The following PDE3B variants were observed in gnomAD, a reference collection of about 807,000 sequenced individuals.
PDE3B encodes the protein phosphodiesterase 3B, also known as cGMP-inhibited 3',5'-cyclic phosphodiesterase 3B.
Under a neutral mutation model 116.8 loss-of-function variants are expected in PDE3B, and 66 were observed. That is an observed-to-expected ratio of 0.56 (90% confidence interval 0.46 to 0.69). The LOEUF (loss-of-function observed/expected upper bound fraction) is 0.69, where lower values mean the gene tolerates loss of function less well. PDE3B is among the 30% of genes least tolerant of loss of function. The pLI, the probability that PDE3B is intolerant of heterozygous loss-of-function variation, is 0.00. For synonymous variants in PDE3B, 595 were observed against 533.6 expected (o/e 1.12, Z -1.59); for missense variants, 1,384 against 1,368.1 (o/e 1.01, Z -0.18).
At chr11:14,728,522 A>T (rs915642107) in intron 1 of PDE3B, among the ~76,000 whole-genome samples, 2 of 152,130 alleles carry the variant, frequency 1.3e-5, no homozygotes, top group Non-Finnish European at 2.9e-5. Flanking sequence ...ATATCATTTC[A>T]TTCTCACAGA....
rs574987805 is a variant in PDE3B, at chr11:14,758,711, C to T, written c.979-13226C>T. Among the ~76,000 whole-genome samples the T allele has an allele frequency of 2.4e-3, 357 of 150,896 alleles. 4 individuals carry two copies. The highest frequency in any genetic ancestry group is 5.6e-3 in the African/African-American group (227 of 40,646). ...AGCTTAAGGAGATTTTGGGCTGAGA[C>T]GATGGGGTTTTCTAGATATACAATC... On this transcript the variant is annotated intron_variant, in intron 1 of 15. Coordinates refer to ENST00000282096, the MANE Select transcript of PDE3B (RefSeq NM_000922.4).
intron 4 of PDE3B, among the ~76,000 whole-genome samples, chr11:14,790,817 A>G (rs1056923736): frequency 2.3e-4 from 35 of 152,228 alleles, no homozygotes; most frequent in African/African-American, 7.9e-4. Flanking sequence ...CCTCTTGGTA[A>G]TAAATGTCTA....
At chr11:14,849,561 T>C (rs1466460375) in intron 12 of PDE3B, among the ~76,000 whole-genome samples, 1 of 151,782 alleles carries the variant, frequency 6.6e-6, no homozygotes, top group Non-Finnish European at 1.5e-5. Flanking sequence ...ACCTACAAAA[T>C]GGGAGAAAAT....
chr11:14,831,797 C>T lies in PDE3B; in HGVS notation c.2094+20C>T. 1 of 1,556,624 alleles carries T rather than the reference C, an allele frequency of 6.4e-7. No homozygotes were observed. Among genetic ancestry groups the T allele is most frequent in the Non-Finnish European group, 8.8e-7 (1 of 1,142,564 alleles). On this transcript the variant is annotated intron_variant, in intron 9 of 15. Transcript: ENST00000282096. Reference sequence around the variant, plus strand: ...AGTCAGGTTTGCTTTCAAATATCTACTTTTTAACTGTAAATTAATTTTTCT... The same window carrying T: ...AGTCAGGTTTGCTTTCAAATATCTATTTTTTAACTGTAAATTAATTTTTCT...
At chr11:14,885,822 T>C in the PDE3B span, 1 of 1,613,506 alleles carries the variant, frequency 6.2e-7, no homozygotes, top group Non-Finnish European at 8.5e-7. Context: ...ATGGTCTGTC[T>C]GCAAAAATTT....
chr11:14,725,016 A>G (rs551834705), intron 1 of PDE3B, among the ~76,000 whole-genome samples: 1 of 152,372 alleles, frequency 6.6e-6, no homozygotes, highest in South Asian at 2.1e-4. Flanking sequence ...TAAATACTTT[A>G]GATAGGTACA....
chr11:14,664,230 C>T (rs1378950806), intron 1 of PDE3B, among the ~76,000 whole-genome samples: 1 of 152,034 alleles, frequency 6.6e-6, no homozygotes, highest in African/African-American at 2.4e-5. Context: ...AGAACAAAGA[C>T]ACAACATATC....
chr11:14,728,019 A>C (rs1275065378), intron 1 of PDE3B, among the ~76,000 whole-genome samples: 1 of 152,092 alleles, frequency 6.6e-6, no homozygotes, highest in East Asian at 1.9e-4. Context: ...ATAGTTCTAC[A>C]AGTTTCTTAC....
chr11:14,811,172 A>T (rs911680992), intron 5 of PDE3B, among the ~76,000 whole-genome samples: 9 of 151,958 alleles, frequency 5.9e-5, no homozygotes, highest in African/African-American at 2.2e-4. Context: ...CTTGAGTTTA[A>T]TTAGATCCCA....
chr11:14,712,921 G>A (rs1191757275), intron 1 of PDE3B, among the ~76,000 whole-genome samples: 1 of 152,184 alleles, frequency 6.6e-6, no homozygotes, highest in Non-Finnish European at 1.5e-5. Flanking sequence ...ATCTTAAATA[G>A]TGAACTGTTT....
chr11:14,862,314 TA>T (rs1234715124), intron 14 of PDE3B, among the ~76,000 whole-genome samples: 1 of 152,210 alleles, frequency 6.6e-6, no homozygotes, highest in Non-Finnish European at 1.5e-5. Flanking sequence ...TAGACTACAT[TA>T]TGATTCCAAG....
intron 2 of PDE3B, 112 bp from the exon 3 acceptor site, chr11:14,786,325 C>T (rs529104688): frequency 4.1e-5 from 30 of 726,370 alleles, no homozygotes; most frequent in African/African-American, 2.4e-4. Context: ...TTAAAGTTCA[C>T]GGTTATTTGC....
At chr11:14,862,841 G>A (rs1469564550) in intron 14 of PDE3B, among the ~76,000 whole-genome samples, 1 of 151,974 alleles carries the variant, frequency 6.6e-6, no homozygotes, top group African/African-American at 2.4e-5. Flanking sequence ...CAAAGTGTTG[G>A]GATTACAGAC....
At chr11:14,739,138 A>G (rs1387692448) in intron 1 of PDE3B, among the ~76,000 whole-genome samples, 2 of 152,206 alleles carry the variant, frequency 1.3e-5, no homozygotes, top group African/African-American at 4.8e-5. Flanking sequence ...AATTCTGTGA[A>G]GAAAGTCAAT....
At chr11:14,685,801 G>A (rs1011287906) in intron 1 of PDE3B, among the ~76,000 whole-genome samples, 1 of 151,988 alleles carries the variant, frequency 6.6e-6, no homozygotes. Context: ...ATAATTTAGG[G>A]TATCACAGTA....
In PDE3B at chr11:14,798,634, T is replaced by A. The variant is rs189220192; in HGVS notation, c.1416-5310T>A. ...AGCTTGTTATTGGTCGGTTCAGGGA[T>A]TCGACTTCTTCCTGGTTTAGACTTG... is the stretch of plus-strand genomic sequence containing the variant. On this transcript the variant is annotated intron_variant, in intron 4 of 15. Coordinates refer to ENST00000282096, the MANE Select transcript of PDE3B (RefSeq NM_000922.4). Among the ~76,000 whole-genome samples, 163 of 152,360 alleles carry A rather than the reference T, an allele frequency of 1.1e-3. 1 individual carries two copies. Among genetic ancestry groups the A allele is most frequent in the Non-Finnish European group, 1.8e-3 (125 of 68,032 alleles).
intron 1 of PDE3B, among the ~76,000 whole-genome samples, chr11:14,682,786 G>GTT (rs1005093819): frequency 2.1e-5 from 3 of 144,334 alleles, no homozygotes; most frequent in Non-Finnish European, 3.1e-5. Context: ...GTTTTTTGTT[G>GTT]TTTTTTTTTT....
At chr11:14,819,658 T>A (rs1859453190) in intron 7 of PDE3B, among the ~76,000 whole-genome samples, 1 of 152,198 alleles carries the variant, frequency 6.6e-6, no homozygotes, top group Non-Finnish European at 1.5e-5. Flanking sequence ...TAAAATTTGA[T>A]GACTCAAACT....
Position 14,870,313 on chromosome 11 carries a change from T to C in PDE3B, c.*653T>C, listed in dbSNP as rs1156252441. ...TATTGTGTATTATCTACTATGTGTGTTTTATTTCTGCTGAGAGTATTCAGG... is the reference window on the plus strand; with the variant it reads ...TATTGTGTATTATCTACTATGTGTGCTTTATTTCTGCTGAGAGTATTCAGG... On this transcript the variant is annotated 3_prime_UTR_variant, in exon 16 of 16. Transcript: ENST00000282096. The surrounding 1 kb of genome is among the most constrained non-coding windows in gnomAD (Gnocchi z 4.1). 1 of 152,510 alleles carries C rather than the reference T, an allele frequency of 6.6e-6. No homozygotes were observed. Among genetic ancestry groups the C allele is most frequent in the Non-Finnish European group, 1.5e-5 (1 of 68,048 alleles). The allele number at this position is 152,510 out of a possible 1,614,324, so 9.4% of individuals were successfully genotyped here. A position where few individuals can be genotyped will look rare whatever the true frequency, so the allele number is the denominator to read the frequency against.
Sources: allele counts gnomAD v4.1 joint callset (sites outside exome capture counted in the v4.1 genomes callset), GRCh38; gene constraint gnomAD v4.1.1; non-coding constraint Gnocchi (gnomAD v3.1); transcripts MANE v1.5; gene names NCBI Gene and HGNC (gene_info 2026-07-23, HGNC 2026-07-21).